Variants in ADGRL1 observed in about 807,000 individuals in gnomAD.
ADGRL1 encodes adhesion G protein-coupled receptor L1, also known as CIRL-1.
Under a neutral mutation model 148.9 loss-of-function variants are expected in ADGRL1, and 31 were observed. That is an observed-to-expected ratio of 0.21 (90% CI 0.16 to 0.28). ADGRL1 has a LOEUF of 0.28. ADGRL1 is among the 10% of genes least tolerant of loss of function. The pLI, the probability that ADGRL1 is intolerant of heterozygous loss-of-function variation, is 1.00. For missense variants in ADGRL1, 1,521 were observed against 2,058.8 expected, an observed-to-expected ratio of 0.74 and a Z score of 5.05; for synonymous variants, 937 against 900.3, an observed-to-expected ratio of 1.04 and a Z score of -0.73.
At chr19:14,186,595 T>C (rs10406786) in intron 1 of ADGRL1, among the ~76,000 whole-genome samples, 10,966 of 152,100 alleles carry the variant, frequency 0.072, 731 homozygotes, top group African/African-American at 0.18. Context: ...ATGTCACCTG[T>C]ATGTTGTCCT....
chr19:14,205,514 G>A (rs1166331249), intron 1 of ADGRL1, among the ~76,000 whole-genome samples: 2 of 151,792 alleles, frequency 1.3e-5, no homozygotes, highest in Non-Finnish European at 2.9e-5. Flanking sequence ...CCTCTGGGGC[G>A]CGGGGCCGGC....
At chr19:14,186,706 G>A (rs1971593388) in intron 1 of ADGRL1, among the ~76,000 whole-genome samples, 1 of 152,148 alleles carries the variant, frequency 6.6e-6, no homozygotes, top group African/African-American at 2.4e-5. Flanking sequence ...CTCTGCTGGG[G>A]TCTCAGTTCC....
In ADGRL1 at chr19:14,152,455, G is replaced by A. The variant is rs1968309516; in HGVS notation, c.3521-18C>T. On this transcript the variant is annotated intron_variant, in intron 20 of 22. Coordinates refer to ENST00000361434, the MANE Select transcript of ADGRL1 (RefSeq NM_014921.5). This position sits in a 1 kb window ranked among gnomAD's most constrained non-coding sequence, Gnocchi z 6.1. ...CATGGTACCTGGCCAAAGGATCAGA[G>A]GTCACAAGGCAGCCGGGAGCCTCCA... The A allele has an allele frequency of 1.2e-6, 2 of 1,607,470 alleles. No homozygotes were observed. Among genetic ancestry groups the A allele is most frequent in the East Asian group, 2.2e-5 (1 of 44,710 alleles).
At chr19:14,165,346 G>C (rs1969854097) in intron 4 of ADGRL1, among the ~76,000 whole-genome samples, 1 of 152,178 alleles carries the variant, frequency 6.6e-6, no homozygotes, top group African/African-American at 2.4e-5. Context: ...GCCCAAGCCG[G>C]TCCCCACCCC....
At chr19:14,176,475 TCA>T (rs1411805813) in intron 3 of ADGRL1, among the ~76,000 whole-genome samples, 2 of 152,112 alleles carry the variant, frequency 1.3e-5, no homozygotes, top group African/African-American at 4.8e-5. Flanking sequence ...ACACAATCAC[TCA>T]CACAGGCCTG....
chr19:14,151,727 C>CAAA, intron 22 of ADGRL1, 112 bp from the exon 23 acceptor site: 1 of 1,077,382 alleles, frequency 9.3e-7, no homozygotes, highest in Non-Finnish European at 1.3e-6. Context: ...GCTGGTTTTC[C>CAAA]GTAGGCTTCC....
At chr19:14,187,173 C>A (rs1308928822) in intron 1 of ADGRL1, among the ~76,000 whole-genome samples, 1 of 152,088 alleles carries the variant, frequency 6.6e-6, no homozygotes, top group Non-Finnish European at 1.5e-5. Context: ...CCCATCTCTA[C>A]TAAAAATACC....
At chr19:14,174,832 GGTCT>G in intron 3 of ADGRL1, among the ~76,000 whole-genome samples, 1 of 143,016 alleles carries the variant, frequency 7.0e-6, no homozygotes, top group African/African-American at 2.6e-5. Context: ...CACTGCACCT[GGTCT>G]GTTTTTTTTT....
At chr19:14,189,375 C>T (rs987531045) in intron 1 of ADGRL1, among the ~76,000 whole-genome samples, 2 of 152,132 alleles carry the variant, frequency 1.3e-5, no homozygotes, top group African/African-American at 4.8e-5. Flanking sequence ...CACATGACTC[C>T]TCTAAATGAA....
rs1463314188 is a variant in ADGRL1 at position 14,160,710 on chromosome 19, C to T, written c.1511-14G>A. 9 of 1,456,888 alleles carry T rather than the reference C, an allele frequency of 6.2e-6. No individual in the cohort carries two copies. The East Asian group carries it at 9.1e-5, about 15-fold the overall frequency. 90.2% of individuals were successfully genotyped at this position (1,456,888 alleles called of 1,614,324 possible). A position where few individuals can be genotyped will look rare whatever the true frequency, so the allele number is the denominator to read the frequency against. On this transcript the variant is annotated splice_polypyrimidine_tract_variant and intron_variant, in intron 6 of 22. Coordinates refer to ENST00000361434, the MANE Select transcript of ADGRL1 (RefSeq NM_014921.5). This position sits in a 1 kb window ranked among gnomAD's most constrained non-coding sequence, Gnocchi z 5.9. ...AGGAGGCAATTCCTGCAGGGACAGACAGACAGGAACAGACAAGGGAGCCAA... is the reference window on the plus strand; with the variant it reads ...AGGAGGCAATTCCTGCAGGGACAGATAGACAGGAACAGACAAGGGAGCCAA...
intron 1 of ADGRL1, among the ~76,000 whole-genome samples, chr19:14,203,281 C>T (rs1189262153): frequency 6.6e-6 from 1 of 152,126 alleles, no homozygotes; most frequent in East Asian, 1.9e-4. Flanking sequence ...GAAACGAGAG[C>T]CTTGTGTGTC....
At chr19:14,177,835 C>T (rs777383238) in intron 2 of ADGRL1, 91 bp from the exon 3 acceptor site, 12 of 1,198,766 alleles carry the variant, frequency 1.0e-5, no homozygotes, top group Middle Eastern at 2.8e-4. Context: ...ACCTCTGGCT[C>T]GGCTGTGTCC....
intron 2 of ADGRL1, among the ~76,000 whole-genome samples, chr19:14,181,813 G>A (rs569075779): frequency 4.7e-4 from 72 of 152,246 alleles, no homozygotes; most frequent in African/African-American, 1.6e-3. Context: ...CTACAGCCCC[G>A]GGTCATCCTG....
intron 16 of ADGRL1, among the ~76,000 whole-genome samples, 153 bp from the exon 17 acceptor site, chr19:14,156,354 G>C (rs1968745434): frequency 6.6e-6 from 1 of 152,088 alleles, no homozygotes; most frequent in Non-Finnish European, 1.5e-5. Context: ...CCGCTGTGCA[G>C]CGGTGAGCTG....
intron 2 of ADGRL1, among the ~76,000 whole-genome samples, chr19:14,179,193 T>A (rs1213136922): frequency 3.0e-4 from 41 of 138,764 alleles, no homozygotes; most frequent in Middle Eastern, 0.011. Flanking sequence ...CAAAAATAAA[T>A]AAAAAATAAA....
At position 14,152,450 on chromosome 19, in the gene ADGRL1, T is replaced by C. The variant is rs1476937341; in HGVS notation, c.3521-13A>G. Reference sequence around the variant, plus strand: ...TTCCCCATGGTACCTGGCCAAAGGATCAGAGGTCACAAGGCAGCCGGGAGC... The same window carrying C: ...TTCCCCATGGTACCTGGCCAAAGGACCAGAGGTCACAAGGCAGCCGGGAGC... On this transcript the variant is annotated splice_polypyrimidine_tract_variant and intron_variant, in intron 20 of 22. Coordinates refer to ENST00000361434, the MANE Select transcript of ADGRL1 (RefSeq NM_014921.5). This position sits in a 1 kb window ranked among gnomAD's most constrained non-coding sequence, Gnocchi z 6.1. 2 of 1,606,390 alleles carry C rather than the reference T, an allele frequency of 1.2e-6. No individual in the cohort carries two copies. Among genetic ancestry groups the C allele is most frequent in the East Asian group, 4.5e-5 (2 of 44,684 alleles).
chr19:14,194,489 A>C (rs1972134123), intron 1 of ADGRL1, among the ~76,000 whole-genome samples: 1 of 152,248 alleles, frequency 6.6e-6, no homozygotes, highest in African/African-American at 2.4e-5. Flanking sequence ...TGCCAGCCCG[A>C]GCAGCTTCCA....
chr19:14,173,776 G>A (rs556938137), intron 3 of ADGRL1, among the ~76,000 whole-genome samples: 9 of 151,754 alleles, frequency 5.9e-5, no homozygotes, highest in Admixed American at 3.3e-4. Context: ...GTGAAACGTC[G>A]TCTTTACTAA....
At chr19:14,166,568 GAGAGAGAGAGAGAA>G (rs1279469457) in intron 4 of ADGRL1, among the ~76,000 whole-genome samples, 4 of 147,682 alleles carry the variant, frequency 2.7e-5, no homozygotes, top group South Asian at 2.1e-4. Flanking sequence ...GAGACAGAGA[GAGAGAGAGAGAGAA>G]AGAGAGAGAG....
Sources: allele counts gnomAD v4.1 joint callset (sites outside exome capture counted in the v4.1 genomes callset), GRCh38; gene constraint gnomAD v4.1.1; non-coding constraint Gnocchi (gnomAD v3.1); transcripts MANE v1.5; gene names NCBI Gene and HGNC (gene_info 2026-07-23, HGNC 2026-07-21).